The following DLG2 variants were observed in gnomAD, a reference collection of about 807,000 sequenced individuals.
DLG2 encodes the protein disks large homolog 2.
In DLG2, 45 loss-of-function variants were observed where a neutral mutation model predicts 132.5. The ratio of observed to expected loss-of-function variants is 0.34; its 90% confidence interval spans 0.27 to 0.44. DLG2 has a LOEUF of 0.44. DLG2 is among the 20% of genes least tolerant of loss of function. The pLI, the probability that DLG2 is intolerant of heterozygous loss-of-function variation, is 1.00. For missense variants in DLG2, 1,045 were observed against 1,196.9 expected (o/e 0.87, Z 1.87); for synonymous variants, 424 against 419.6 (o/e 1.01, Z -0.13).
chr11:84,371,961 A>T (rs1178806471), intron 7 of DLG2, among the ~76,000 whole-genome samples: 1 of 152,200 alleles, frequency 6.6e-6, no homozygotes, highest in Non-Finnish European at 1.5e-5. Flanking sequence ...GTATTTTAGT[A>T]TGTGATTTTA....
chr11:84,811,342 C>T (rs1211816893), intron 6 of DLG2, among the ~76,000 whole-genome samples: 1 of 152,078 alleles, frequency 6.6e-6, no homozygotes, highest in Non-Finnish European at 1.5e-5. Flanking sequence ...CCAATGCTAG[C>T]CCTGCTGTGC....
At chr11:84,182,817 T>G (rs1395272099) in intron 8 of DLG2, among the ~76,000 whole-genome samples, 6 of 152,070 alleles carry the variant, frequency 3.9e-5, no homozygotes, top group Admixed American at 3.9e-4. Flanking sequence ...GGCTATTTTT[T>G]GAAAAGATCA....
intron 8 of DLG2, among the ~76,000 whole-genome samples, chr11:84,218,880 T>C (rs1046956227): frequency 9.2e-5 from 14 of 152,286 alleles, no homozygotes; most frequent in South Asian, 6.2e-4. Context: ...AATTATCCAA[T>C]GTATCAATAG....
At chr11:85,204,682 A>C (rs529295038) in intron 4 of DLG2, among the ~76,000 whole-genome samples, 81 of 152,138 alleles carry the variant, frequency 5.3e-4, no homozygotes, top group Admixed American at 7.9e-4. Flanking sequence ...CAGAAAAAAA[A>C]AACTCCTAAA....
chr11:84,313,855 C>T (rs564804460), intron 7 of DLG2, among the ~76,000 whole-genome samples: 37 of 152,242 alleles, frequency 2.4e-4, no homozygotes, highest in Admixed American at 7.8e-4. Flanking sequence ...CACTAACATC[C>T]TAGATGTACA....
chr11:85,384,862 C>A (rs1283304220), intron 3 of DLG2, among the ~76,000 whole-genome samples: 1 of 152,096 alleles, frequency 6.6e-6, no homozygotes, highest in Non-Finnish European at 1.5e-5. Flanking sequence ...GTGAGCCACC[C>A]CACCTGACCA....
intron 4 of DLG2, among the ~76,000 whole-genome samples, chr11:85,269,574 G>A (rs998272847): frequency 1.3e-5 from 2 of 152,094 alleles, no homozygotes; most frequent in Admixed American, 1.3e-4. Flanking sequence ...ATTTCTTAAG[G>A]TTCTTGAGAG....
At position 83,736,866 on chromosome 11, in the gene DLG2, A is replaced by C. The variant is rs181484611; in HGVS notation, c.1825+49824T>G. 7.1e-4 allele frequency among the ~76,000 whole-genome samples: 108 copies of C among 152,300 alleles called. No homozygotes were observed. The Middle Eastern group carries it at 0.01, about 14-fold the overall frequency. ...ATTCCAATGAAACCTGATGCTGGCT[A>C]ATTACTTCTCTATAGATGGCAGTGT... On this transcript the variant is annotated intron_variant, in intron 18 of 27. Transcript: ENST00000376104.
chr11:83,653,479 ATTTT>A (rs1216843622), intron 18 of DLG2, among the ~76,000 whole-genome samples: 2 of 152,102 alleles, frequency 1.3e-5, no homozygotes, highest in Non-Finnish European at 2.9e-5. Context: ...AATTAAATTT[ATTTT>A]GTCTGTAAAT....
At chr11:84,560,408 C>G (rs949006087) in intron 6 of DLG2, among the ~76,000 whole-genome samples, 2 of 152,086 alleles carry the variant, frequency 1.3e-5, no homozygotes, top group Admixed American at 6.6e-5. Flanking sequence ...TGAAAGGCAA[C>G]AGAACTGGCA....
chr11:83,512,329 C>T (rs189543790), intron 21 of DLG2, among the ~76,000 whole-genome samples: 7 of 152,092 alleles, frequency 4.6e-5, no homozygotes, highest in African/African-American at 1.2e-4. Context: ...ACATTCGAGA[C>T]GCAGTTCTGG....
In DLG2 at chr11:84,952,317, C is replaced by T. The variant is rs866046078; in HGVS notation, c.357+159344G>A. ...TCCCAGCACTTTGGGAGGCCGAGGT[C>T]AGGAGATCGAGACCACGGTGAAACC... On this transcript the variant is annotated intron_variant, in intron 6 of 27. Transcript: ENST00000376104. Among the ~76,000 whole-genome samples the T allele has an allele frequency of 5.3e-5, 8 of 151,986 alleles. No individual in the cohort carries two copies. In the South Asian group the frequency reaches 1.7e-3, roughly 32 times the overall value.
intron 6 of DLG2, among the ~76,000 whole-genome samples, chr11:84,900,769 T>C (rs557601524): frequency 6.6e-6 from 1 of 152,150 alleles, no homozygotes; most frequent in African/African-American, 2.4e-5. Flanking sequence ...AATGAAAATA[T>C]ATTTCTTGGG....
At chr11:85,141,697 T>A (rs1243921262) in intron 5 of DLG2, among the ~76,000 whole-genome samples, 2 of 151,926 alleles carry the variant, frequency 1.3e-5, no homozygotes, top group African/African-American at 4.8e-5. Flanking sequence ...GGTCTTATAT[T>A]TAAATCTTTA....
intron 7 of DLG2, chr11:84,317,302 T>TGGGAGCAGC (rs1599768417): frequency 1.5e-5 from 21 of 1,442,602 alleles, no homozygotes; most frequent in Non-Finnish European, 1.5e-5. Flanking sequence ...GTGGGAGCAG[T>TGGGAGCAGC]GGGAGCAGCG....
chr11:84,640,169 A>G, intron 6 of DLG2: 1 of 266,152 alleles, frequency 3.8e-6, no homozygotes. Context: ...TGACAAATGG[A>G]GAAACAGAAA....
At chr11:85,067,578 T>G (rs2065120429) in intron 6 of DLG2, among the ~76,000 whole-genome samples, 1 of 151,836 alleles carries the variant, frequency 6.6e-6, no homozygotes. Context: ...CTCCCAAGAC[T>G]AAACCAGGAA....
chr11:84,952,516 C>CAA (rs201499502), intron 6 of DLG2, among the ~76,000 whole-genome samples: 18 of 140,918 alleles, frequency 1.3e-4, no homozygotes, highest in Admixed American at 5.7e-4. Flanking sequence ...GACTCCGTCT[C>CAA]AAAAAGAAAA....
At chr11:83,852,117 T>C (rs1260383491) in intron 16 of DLG2, among the ~76,000 whole-genome samples, 1 of 152,146 alleles carries the variant, frequency 6.6e-6, no homozygotes, top group Non-Finnish European at 1.5e-5. Context: ...CTGCTAACAC[T>C]TTGATTTTGG....
Sources: gnomAD v4.1 joint callset for allele counts (sites outside exome capture counted in the v4.1 genomes callset) on GRCh38, gnomAD v4.1.1 for gene constraint, MANE v1.5 for transcripts, NCBI Gene and HGNC (gene_info 2026-07-23, HGNC 2026-07-21) for gene names.